The following TAF1 variants were observed in gnomAD, a reference collection of about 807,000 sequenced individuals.
TAF1 encodes TATA-box binding protein associated factor 1, also known as transcription initiation factor TFIID subunit 1.
TAF1 carries 2 observed loss-of-function variants against 138.5 expected under a neutral mutation model. The ratio of observed to expected loss-of-function variants is 0.01; its 90% CI spans 0.01 to 0.05. TAF1 has a LOEUF of 0.05. Ranked by LOEUF, TAF1 falls within the 10% of genes least tolerant of loss-of-function variation. The pLI, the probability that TAF1 is intolerant of heterozygous loss-of-function variation, is 1.00. For synonymous variants in TAF1, 437 were observed against 503.2 expected (o/e 0.87, Z 1.76); for missense variants, 709 against 1,478.0 (o/e 0.48, Z 8.53).
Position 71,387,004 on chromosome X carries a change from C to T in TAF1, c.2227-257C>T, listed in dbSNP as rs189746420. On this transcript the variant is annotated intron_variant, in intron 14 of 37. Coordinates refer to ENST00000423759, the MANE Select transcript of TAF1 (RefSeq NM_004606.5). ...AATAGCTTAAATAGACATGTTAAAT[C>T]ATAGAGGTAATGGCAGAGCTAGCAT... The T allele has an allele frequency of 3.1e-4, 108 of 348,153 alleles. 1 individual carries two copies. Among genetic ancestry groups the T allele is most frequent in the Non-Finnish European group, 5.5e-5 (11 of 201,205 alleles). The allele number at this position is 348,153 out of a possible 1,213,427, so 28.7% of individuals were successfully genotyped here. A position where few individuals can be genotyped will look rare whatever the true frequency, so the allele number is the denominator to read the frequency against.
chrX:71,383,286 A>G (rs1332499717), intron 12 of TAF1, 122 bp downstream of exon 12: 2 of 830,428 alleles, frequency 2.4e-6, no homozygotes, highest in Non-Finnish European at 3.3e-6. Flanking sequence ...ATAGAATGTT[A>G]TTTTGGTTAT....
chrX:71,416,227 T>TA (rs2036004679), intron 28 of TAF1, among the ~76,000 whole-genome samples: 1 of 38,920 alleles, frequency 2.6e-5, no homozygotes, highest in Non-Finnish European at 5.0e-5. Context: ...TCACTAAAAA[T>TA]AAAAAAAAAT....
At chrX:71,420,132 C>G in intron 28 of TAF1, 1 of 494,343 alleles carries the variant, frequency 2.0e-6, no homozygotes, top group Non-Finnish European at 3.7e-6. Flanking sequence ...GTAGACGTGA[C>G]CCCGGGGCCT....
chrX:71,514,327 GCAAA>G (rs201216177), intron 13 of TAF1, among the ~76,000 whole-genome samples: 36 of 109,262 alleles, frequency 3.3e-4, no homozygotes, highest in Non-Finnish European at 5.3e-4. Context: ...TCTCAGAAAA[GCAAA>G]CAAACAAACA....
intron 25 of TAF1, among the ~76,000 whole-genome samples, chrX:71,405,170 G>T (rs1299390400): frequency 1.8e-5 from 2 of 109,908 alleles, no homozygotes; most frequent in African/African-American, 6.6e-5. Flanking sequence ...GGTTACCCAG[G>T]CTGGTCTCGA....
downstream of TAF1, among the ~76,000 whole-genome samples, chrX:71,470,145 C>T (rs961298814): frequency 1.8e-5 from 2 of 111,645 alleles, no homozygotes; most frequent in Non-Finnish European, 3.8e-5. Context: ...GAGGTTCTCT[C>T]TAGACTGTGG....
chrX:71,398,475 C>T, intron 23 of TAF1, 97 bp from the exon 24 acceptor site: 1 of 1,087,652 alleles, frequency 9.2e-7, no homozygotes. Context: ...GGATGGATTA[C>T]TTTAGTCCTG....
At chrX:71,482,478 A>G (rs976264703) in intron 13 of TAF1, among the ~76,000 whole-genome samples, 2 of 112,756 alleles carry the variant, frequency 1.8e-5, no homozygotes, top group African/African-American at 6.4e-5. Context: ...AATAAAGTAC[A>G]TATCACAATA....
chrX:71,428,442 G>A (rs1437284175), intron 32 of TAF1, among the ~76,000 whole-genome samples: 2 of 111,545 alleles, frequency 1.8e-5, no homozygotes, highest in African/African-American at 3.3e-5. Flanking sequence ...TTTGAACATT[G>A]GCCCCACCAC....
chrX:71,499,809 A>G (rs2039463880), intron 13 of TAF1, among the ~76,000 whole-genome samples: 1 of 111,622 alleles, frequency 9.0e-6, no homozygotes, highest in Admixed American at 9.6e-5. Context: ...CTAAAGCCAC[A>G]TTCTTTTCAT....
intron 13 of TAF1, among the ~76,000 whole-genome samples, chrX:71,515,180 C>T (rs770337769): frequency 3.6e-5 from 4 of 111,694 alleles, no homozygotes; most frequent in Admixed American, 9.6e-5. Flanking sequence ...GGATGAGGGG[C>T]GTGGCACTGG....
chrX:71,451,331 T>C (rs1274966823), intron 32 of TAF1, among the ~76,000 whole-genome samples: 1 of 111,886 alleles, frequency 8.9e-6, no homozygotes, highest in African/African-American at 3.2e-5. Context: ...GGACCTTTCT[T>C]GGGTTATGAT....
intron 12 of TAF1, 31 bp downstream of exon 12, chrX:71,383,195 A>G: frequency 8.4e-7 from 1 of 1,186,287 alleles, no homozygotes; most frequent in Non-Finnish European, 1.1e-6. Flanking sequence ...GAAAACAGCT[A>G]TAAAGGATAT....
rs769993860 is a variant in TAF1, at chrX:71,407,689, G to A, written c.4206+17G>A. The A allele has an allele frequency of 1.4e-5, 16 of 1,184,339 alleles. No homozygotes were observed. The highest frequency in any genetic ancestry group is 1.7e-5 in the Non-Finnish European group (15 of 870,616). ...CTTCCAAATGTGAGTTCATTGCATT[G>A]GATATCTATAGTAGGGATGTCAAGG... On this transcript the variant is annotated intron_variant, in intron 27 of 37. Transcript: ENST00000423759.
intron 25 of TAF1, among the ~76,000 whole-genome samples, chrX:71,404,951 C>CTTTT (rs1170234048): frequency 3.9e-4 from 29 of 74,844 alleles, no homozygotes; most frequent in East Asian, 8.3e-4. Flanking sequence ...TTATTCCAAA[C>CTTTT]TTTTTTTTTT....
intron 28 of TAF1, among the ~76,000 whole-genome samples, chrX:71,413,561 G>A (rs971488252): frequency 9.0e-6 from 1 of 111,295 alleles, no homozygotes; most frequent in African/African-American, 3.3e-5. Flanking sequence ...ATACTTTCTC[G>A]AATCATTTCC....
intron 28 of TAF1, chrX:71,420,331 CTT>C (rs1328796918): frequency 1.6e-5 from 19 of 1,187,024 alleles, no homozygotes; most frequent in Non-Finnish European, 2.1e-5. Flanking sequence ...CTCACTGACT[CTT>C]TGTCTGAGAA....
At chrX:71,508,086 C>CTCTCTCTCTCTCTCTCTCTA (rs4040068) in intron 13 of TAF1, among the ~76,000 whole-genome samples, 26 of 92,175 alleles carry the variant, frequency 2.8e-4, no homozygotes, top group Non-Finnish European at 4.2e-4. Context: ...CTCTCTCTCT[C>CTCTCTCTCTCTCTCTCTCTA]TATATATATA....
chrX:71,393,569 T>C lies in TAF1; in HGVS notation c.3227+93T>C, dbSNP rs1328315095. The C allele has an allele frequency of 2.9e-6, 3 of 1,036,484 alleles. No homozygotes were observed. The African/African-American group carries it at 5.7e-5, about 20-fold the overall frequency. The allele number at this position is 1,036,484 out of a possible 1,213,427, so 85.4% of individuals were successfully genotyped here. On this transcript the variant is annotated intron_variant, in intron 21 of 37. Transcript: ENST00000423759. ...AATAAAGAGGAGGTCACCTAAAAGT[T>C]TGACTACCTAGGTAGTCAGATATCT...
Sources: gnomAD v4.1 joint callset for allele counts (sites outside exome capture counted in the v4.1 genomes callset) on GRCh38, gnomAD v4.1.1 for gene constraint, MANE v1.5 for transcripts, NCBI Gene and HGNC (gene_info 2026-07-23, HGNC 2026-07-21) for gene names.